Variants in WRN observed in about 807,000 individuals in gnomAD.
WRN encodes the protein WRN RecQ like helicase.
A neutral mutation model predicts 180.7 loss-of-function variants in WRN; 149 were observed. The ratio of observed to expected loss-of-function variants is 0.82; its 90% CI spans 0.72 to 0.94. The LOEUF (loss-of-function observed/expected upper bound fraction) is 0.94. Among genes scored for constraint, WRN ranks in the 40% least tolerant of loss-of-function variants. WRN has a pLI of 0.00. For missense variants in WRN, 1,661 were observed against 1,700.1 expected, an observed-to-expected ratio of 0.98 and a Z score of 0.40; for synonymous variants, 548 against 568.9, an observed-to-expected ratio of 0.96 and a Z score of 0.52.
At chr8:31,042,927 C>T (rs1811713004) in intron 1 of WRN, among the ~76,000 whole-genome samples, 1 of 152,132 alleles carries the variant, frequency 6.6e-6, no homozygotes, top group South Asian at 2.1e-4. Flanking sequence ...TCTATTCAGT[C>T]TTCAAAAAGT....
chr8:31,058,005 A>C (rs897714474), intron 1 of WRN, among the ~76,000 whole-genome samples: 5 of 152,312 alleles, frequency 3.3e-5, no homozygotes, highest in African/African-American at 1.2e-4. Flanking sequence ...TAAATCTAAT[A>C]GTTTTGCTGA....
intron 1 of WRN, among the ~76,000 whole-genome samples, chr8:31,042,468 A>T (rs1319468969): frequency 1.3e-5 from 2 of 152,224 alleles, no homozygotes; most frequent in Non-Finnish European, 2.9e-5. Flanking sequence ...TTAGGTGTTG[A>T]GTTACATGTG....
At chr8:31,117,238 C>A (rs987379003) in intron 20 of WRN, among the ~76,000 whole-genome samples, 2 of 152,164 alleles carry the variant, frequency 1.3e-5, no homozygotes, top group African/African-American at 4.8e-5. Context: ...AAAGGAGGTA[C>A]AAGAGTCTCG....
At chr8:31,059,594 G>A (rs1446578702) in intron 3 of WRN, among the ~76,000 whole-genome samples, 1 of 151,938 alleles carries the variant, frequency 6.6e-6, no homozygotes, top group African/African-American at 2.4e-5. Flanking sequence ...AACATACTGT[G>A]TTTATTTTAC....
At chr8:31,083,901 A>G in intron 10 of WRN, 122 bp downstream of exon 10, 2 of 1,042,176 alleles carry the variant, frequency 1.9e-6, no homozygotes, top group Non-Finnish European at 2.8e-6. Flanking sequence ...ATTATGTAAC[A>G]TTAGATTTCA....
Position 31,096,801 on chromosome 8 carries a change from A to T in WRN, c.1932A>T (p.Glu644Asp). ...GKYRIVYVTP[E>D]YCSGNMGLLQ... ...ACCGGATTGTATACGTAACTCCAGA[A>T]TACTGTTCAGGTAACATGGGCCTGC... is the stretch of plus-strand genomic sequence containing the variant. The change falls in exon 17 of 35, where the codon GAA becomes GAT. Residue 644 changes from glutamate (E) to aspartate (D), a missense_variant. Coordinates refer to ENST00000298139, the MANE Select transcript of WRN (RefSeq NM_000553.6). 1 of 1,612,780 alleles carries T rather than the reference A, an allele frequency of 6.2e-7. No homozygotes were observed. The highest frequency in any genetic ancestry group is 8.5e-7 in the Non-Finnish European group (1 of 1,179,816).
chr8:31,109,911 G>A (rs984072994), intron 18 of WRN, among the ~76,000 whole-genome samples: 1 of 152,028 alleles, frequency 6.6e-6, no homozygotes, highest in Non-Finnish European at 1.5e-5. Context: ...TTAAATATAT[G>A]TCATGTTTCA....
Position 31,064,381 on chromosome 8 carries a change from A to C in WRN, c.302A>C (p.Gln101Pro). Residue 101 changes from glutamine (Q) to proline (P), a missense_variant, in exon 4 of 35, where the codon CAG becomes CCG. This residue lies in a region of WRN where 500 missense variants were observed against 504.1 expected (regional missense o/e 0.99). Transcript: ENST00000298139. ...AAACTTGGCAAAGTTGCACTAATTC[A>C]GTTGTGTGTTTCTGAGAGCAAATGT... ...RGKLGKVALI[Q>P]LCVSESKCYL... is the part of the protein sequence containing the mutation. 1 of 1,614,140 alleles carries C rather than the reference A, an allele frequency of 6.2e-7. No individual in the cohort carries two copies. The highest frequency in any genetic ancestry group is 8.5e-7 in the Non-Finnish European group (1 of 1,180,022).
intron 23 of WRN, among the ~76,000 whole-genome samples, chr8:31,126,718 T>G (rs1367924029): frequency 1.3e-5 from 2 of 151,804 alleles, no homozygotes; most frequent in African/African-American, 4.8e-5. Flanking sequence ...TCAAAAAAAT[T>G]TAAAAACAAA....
chr8:31,053,533 C>T (rs944872761), intron 1 of WRN, among the ~76,000 whole-genome samples: 7 of 152,050 alleles, frequency 4.6e-5, no homozygotes, highest in Admixed American at 4.6e-4. Flanking sequence ...GGTTCATAAG[C>T]GAAAAGGAAA....
At chr8:31,077,990 T>G (rs750032388) in intron 8 of WRN, among the ~76,000 whole-genome samples, 1 of 152,032 alleles carries the variant, frequency 6.6e-6, no homozygotes, top group Non-Finnish European at 1.5e-5. Flanking sequence ...AGTCTTAGAG[T>G]CACAACAGGT....
intron 21 of WRN, among the ~76,000 whole-genome samples, chr8:31,121,772 C>T (rs1381727756): frequency 6.6e-6 from 1 of 151,856 alleles, no homozygotes; most frequent in Non-Finnish European, 1.5e-5. Flanking sequence ...GATTTTCCTT[C>T]TGAGTAGTCA....
chr8:31,056,091 T>C (rs550381463), intron 1 of WRN, among the ~76,000 whole-genome samples: 2 of 152,356 alleles, frequency 1.3e-5, no homozygotes, highest in East Asian at 3.9e-4. Context: ...ATATTTCAAA[T>C]TAAAATGATT....
intron 18 of WRN, among the ~76,000 whole-genome samples, chr8:31,107,678 AAC>A (rs1801149753): frequency 6.6e-6 from 1 of 152,200 alleles, no homozygotes; most frequent in Non-Finnish European, 1.5e-5. Flanking sequence ...AACTGCTATA[AAC>A]CTGGAATGTT....
chr8:31,081,201 T>A lies in WRN; in HGVS notation c.1174T>A (p.Leu392Met), dbSNP rs773671411. Reference sequence around the variant, plus strand: ...GAAAGAGAATATGGAAAGAGCTTGTTTGATGTCGTTAGATATTACAGAACA... The same window carrying A: ...GAAAGAGAATATGGAAAGAGCTTGTATGATGTCGTTAGATATTACAGAACA... ...KLKENMERAC[L>M]MSLDITEHEL... Residue 392 changes from leucine to methionine, a missense_variant, in exon 9 of 35, where the codon TTG (leucine) becomes ATG (methionine). Around this residue, in one of 3 missense-constraint regions of WRN, gnomAD observed 500 missense variants for 504.1 expected, o/e 0.99. Transcript: ENST00000298139. The A allele has an allele frequency of 6.2e-7, 1 of 1,613,960 alleles. No individual in the cohort carries two copies. The highest frequency in any genetic ancestry group is 1.1e-5 in the South Asian group (1 of 91,066).
rs1394772553 is a variant in WRN at position 31,141,697 on chromosome 8, A to G, written c.3155A>G (p.His1052Arg). ...ALTKKGRNWL[H>R]KANTESQSLI... ...TTTTAATAGGGTAGAAATTGGCTTC[A>G]TAAAGCTAATACAGAATCTCAGAGC... The change falls in exon 26 of 35, where the codon CAT (histidine) becomes CGT (arginine). Residue 1052 changes from histidine (H) to arginine (R), a missense_variant. Around this residue, in one of 3 missense-constraint regions of WRN, gnomAD observed 1,141 missense variants for 1,149.4 expected, o/e 0.99. Coordinates refer to ENST00000298139, the MANE Select transcript of WRN (RefSeq NM_000553.6). 3.7e-6 allele frequency: 6 copies of G among 1,614,206 alleles called. No individual in the cohort carries two copies. In the South Asian group the frequency reaches 5.5e-5, roughly 15 times the overall value.
chr8:31,079,404 C>A (rs892825582), intron 8 of WRN, among the ~76,000 whole-genome samples: 1 of 152,094 alleles, frequency 6.6e-6, no homozygotes, highest in East Asian at 1.9e-4. Flanking sequence ...TAAACAAAAT[C>A]GCTAATGAAA....
intron 23 of WRN, among the ~76,000 whole-genome samples, chr8:31,127,589 A>C (rs1468379464): frequency 6.6e-6 from 1 of 152,050 alleles, no homozygotes; most frequent in Non-Finnish European, 1.5e-5. Flanking sequence ...CACCTTTAAA[A>C]AAAAACAAAA....
At chr8:31,089,531 C>T (rs1293240606) in intron 13 of WRN, among the ~76,000 whole-genome samples, 1 of 151,968 alleles carries the variant, frequency 6.6e-6, no homozygotes, top group Non-Finnish European at 1.5e-5. Context: ...AAAATATAAT[C>T]CACTGAAGTA....
Sources: gnomAD v4.1 joint callset for allele counts (sites outside exome capture counted in the v4.1 genomes callset) on GRCh38, gnomAD v4.1.1 for gene constraint, gnomAD v4.1.1 regional missense constraint, MANE v1.5 for transcripts, NCBI Gene and HGNC (gene_info 2026-07-23, HGNC 2026-07-21) for gene names.